The following TPRG1 variants were observed in gnomAD, a reference collection of about 807,000 sequenced individuals.
The protein encoded by TPRG1 is tumor protein p63 regulated 1.
Under a neutral mutation model 29.3 loss-of-function variants are expected in TPRG1, and 29 were observed. That is an observed-to-expected ratio of 0.99 (90% CI 0.74 to 1.35). The LOEUF (loss-of-function observed/expected upper bound fraction) is 1.35. TPRG1 is among the 40% of genes most tolerant of loss of function. The pLI is 0.00. For missense variants in TPRG1, 327 were observed against 335.0 expected, an observed-to-expected ratio of 0.98 and a Z score of 0.19; for synonymous variants, 130 against 116.8, an observed-to-expected ratio of 1.11 and a Z score of -0.73.
intron 4 of TPRG1, among the ~76,000 whole-genome samples, chr3:189,257,133 T>C (rs1712045030): frequency 6.6e-6 from 1 of 152,242 alleles, no homozygotes. Context: ...GGTTTTGCAG[T>C]AGCTGCTACC....
intron 4 of TPRG1, among the ~76,000 whole-genome samples, chr3:189,052,959 A>C (rs1033693765): frequency 1.3e-5 from 2 of 152,196 alleles, no homozygotes; most frequent in Non-Finnish European, 2.9e-5. Flanking sequence ...GGTGAGTGAT[A>C]AAAGACTACA....
At chr3:189,001,531 A>G (rs756921178) in intron 2 of TPRG1, among the ~76,000 whole-genome samples, 15 of 152,226 alleles carry the variant, frequency 9.9e-5, no homozygotes, top group Non-Finnish European at 2.1e-4. Context: ...GTCTCTTTTA[A>G]AAGACACTAA....
intron 1 of TPRG1, among the ~76,000 whole-genome samples, chr3:189,173,339 C>CTTTTTTTT (rs549433698): frequency 7.7e-6 from 1 of 130,326 alleles, no homozygotes. Context: ...TTCTTTTCTT[C>CTTTTTTTT]TTCTTTTTTT....
chr3:189,320,800 C>A lies in TPRG1; in HGVS notation c.808C>A (p.Arg270Ser). 6.3e-7 allele frequency: 1 copy of A among 1,596,986 alleles called. No individual in the cohort carries two copies. Among genetic ancestry groups the A allele is most frequent in the Non-Finnish European group, 8.5e-7 (1 of 1,172,428 alleles). ...CAACAAACTTGGCTATTCCCTTGCC[C>A]GTGGGAGTATTGGTTTTTGAGAGTC... ...NRNKLGYSLA[R>S]GSIGF Residue 270 changes from arginine (R) to serine (S), a missense_variant, in exon 6 of 6, where the codon CGT becomes AGT. Physicochemically the swap from Arg to Ser is moderately radical, Grantham distance 110 (BLOSUM62 -1). Coordinates refer to ENST00000345063, the MANE Select transcript of TPRG1 (RefSeq NM_198485.4).
intron 4 of TPRG1, among the ~76,000 whole-genome samples, chr3:189,257,589 C>G (rs1454965390): frequency 6.6e-6 from 1 of 152,144 alleles, no homozygotes; most frequent in Non-Finnish European, 1.5e-5. Flanking sequence ...GGATAATATC[C>G]TGAAGTATGT....
At chr3:189,187,040 A>G (rs1458550480) in intron 1 of TPRG1, among the ~76,000 whole-genome samples, 1 of 125,890 alleles carries the variant, frequency 7.9e-6, no homozygotes, top group African/African-American at 3.2e-5. Context: ...AGCCTGGATC[A>G]CAGTGGCACC....
At chr3:189,158,482 G>A (rs915051645) in intron 5 of TPRG1, among the ~76,000 whole-genome samples, 2 of 151,922 alleles carry the variant, frequency 1.3e-5, no homozygotes, top group Non-Finnish European at 1.5e-5. Flanking sequence ...GGTGGCTTGC[G>A]GCTGTAATCC....
At chr3:189,285,955 C>A (rs553192794) in intron 4 of TPRG1, among the ~76,000 whole-genome samples, 1 of 150,910 alleles carries the variant, frequency 6.6e-6, no homozygotes, top group South Asian at 2.1e-4. Flanking sequence ...TTGTCTCCTG[C>A]ATGTTAGTCT....
chr3:189,315,472 C>T (rs567570260), intron 5 of TPRG1: 17 of 452,890 alleles, frequency 3.8e-5, no homozygotes, highest in Admixed American at 4.8e-5. Context: ...TTTTAACCAT[C>T]GCTTTGCTGG....
intron 4 of TPRG1, among the ~76,000 whole-genome samples, chr3:189,036,084 G>A (rs989108255): frequency 6.6e-6 from 1 of 151,938 alleles, no homozygotes; most frequent in Non-Finnish European, 1.5e-5. Flanking sequence ...GGAATATTAT[G>A]CACCTATGAA....
intron 4 of TPRG1, among the ~76,000 whole-genome samples, chr3:189,025,060 G>T (rs1290467420): frequency 2.6e-5 from 4 of 152,126 alleles, no homozygotes; most frequent in Admixed American, 6.5e-5. Context: ...CCTTCCTAGG[G>T]GTATGTACCA....
upstream of TPRG1, among the ~76,000 whole-genome samples, chr3:189,096,214 G>C (rs990246066): frequency 4.6e-5 from 7 of 152,190 alleles, no homozygotes; most frequent in African/African-American, 1.7e-4. Flanking sequence ...TCCTTCTCCT[G>C]TCCTGGGGCT....
At chr3:189,210,093 T>C (rs1405016118) in intron 2 of TPRG1, among the ~76,000 whole-genome samples, 1 of 152,142 alleles carries the variant, frequency 6.6e-6, no homozygotes, top group African/African-American at 2.4e-5. Flanking sequence ...TGGGTGGTAG[T>C]TGAAAAAAAC....
chr3:189,285,992 A>G (rs1291809981), intron 4 of TPRG1, among the ~76,000 whole-genome samples: 1 of 151,894 alleles, frequency 6.6e-6, no homozygotes, highest in Non-Finnish European at 1.5e-5. Context: ...CTGCTCTCAA[A>G]GATGGAGCTT....
chr3:189,257,764 A>G (rs1372059352), intron 4 of TPRG1, among the ~76,000 whole-genome samples: 1 of 151,882 alleles, frequency 6.6e-6, no homozygotes, highest in East Asian at 1.9e-4. Flanking sequence ...TTGATCTTCA[A>G]TCTCTGATAT....
At chr3:189,159,586 A>T (rs1390189620) in intron 5 of TPRG1, among the ~76,000 whole-genome samples, 2 of 152,118 alleles carry the variant, frequency 1.3e-5, no homozygotes, top group Admixed American at 6.5e-5. Context: ...GCTCGTGCTG[A>T]TGATGTTATT....
At chr3:189,125,856 TGTGTGTGTG>T in intron 1 of TPRG1, among the ~76,000 whole-genome samples, 1 of 149,126 alleles carries the variant, frequency 6.7e-6, no homozygotes, top group African/African-American at 2.5e-5. Flanking sequence ...TGTGTGTGTG[TGTGTGTGTG>T]TGTGTGTTTG....
intron 4 of TPRG1, among the ~76,000 whole-genome samples, chr3:189,269,340 G>A (rs1714688757): frequency 6.6e-6 from 1 of 152,008 alleles, no homozygotes; most frequent in Non-Finnish European, 1.5e-5. Context: ...TTAATCACCA[G>A]CCATATATTA....
At chr3:189,288,020 T>G in intron 4 of TPRG1, among the ~76,000 whole-genome samples, 1 of 151,720 alleles carries the variant, frequency 6.6e-6, no homozygotes, top group East Asian at 1.9e-4. Flanking sequence ...AAATTTAAAT[T>G]TTTAACACAA....
Sources: gnomAD v4.1 joint callset for allele counts (sites outside exome capture counted in the v4.1 genomes callset) on GRCh38, gnomAD v4.1.1 for gene constraint, MANE v1.5 for transcripts, NCBI Gene and HGNC (gene_info 2026-07-23, HGNC 2026-07-21) for gene names.